Variants in RNF150 observed in about 807,000 individuals in gnomAD.
The protein encoded by RNF150 is ring finger protein 150.
A neutral mutation model predicts 39.3 loss-of-function variants in RNF150; 24 were observed. The ratio of observed to expected loss-of-function variants is 0.61; its 90% CI spans 0.44 to 0.86. RNF150 has a LOEUF of 0.86. Among genes scored for constraint, RNF150 ranks in the 40% least tolerant of loss-of-function variants. RNF150 has a pLI of 0.00. For missense variants in RNF150, 502 were observed against 587.8 expected (o/e 0.85, Z 1.51); for synonymous variants, 255 against 227.3 (o/e 1.12, Z -1.10).
intron 2 of RNF150, among the ~76,000 whole-genome samples, chr4:140,954,361 T>C (rs1732663356): frequency 6.6e-6 from 1 of 152,080 alleles, no homozygotes; most frequent in African/African-American, 2.4e-5. Flanking sequence ...ACTACAGGTG[T>C]GTGCCACTGC....
intron 1 of RNF150, among the ~76,000 whole-genome samples, chr4:141,097,775 A>G (rs953558900): frequency 6.6e-5 from 10 of 151,430 alleles, no homozygotes; most frequent in Non-Finnish European, 1.3e-4. Context: ...ATGTTTTTCT[A>G]TTGGGATGTT....
Position 140,860,093 on chromosome 4 carries a change from T to C in RNF150, c.*8168A>G, listed in dbSNP as rs1219327526. The C allele has an allele frequency of 6.6e-6, 1 of 151,880 alleles. No homozygotes were observed. Among genetic ancestry groups the C allele is most frequent in the African/African-American group, 2.4e-5 (1 of 41,358 alleles). 9.4% of individuals were successfully genotyped at this position (151,880 alleles called of 1,614,324 possible). A position where few individuals can be genotyped will look rare whatever the true frequency, so the allele number is the denominator to read the frequency against. Reference sequence around the variant, plus strand: ...AGAATAGAATAAAGCAAAATAAAAGTCTGTGTCTCCTAATAGAAGACAAAT... The same window carrying C: ...AGAATAGAATAAAGCAAAATAAAAGCCTGTGTCTCCTAATAGAAGACAAAT... On this transcript the variant is annotated 3_prime_UTR_variant, in exon 7 of 7. Transcript: ENST00000515673.
At chr4:140,974,845 T>C (rs375129125) in intron 1 of RNF150, among the ~76,000 whole-genome samples, 1 of 152,154 alleles carries the variant, frequency 6.6e-6, no homozygotes, top group South Asian at 2.1e-4. Context: ...GCTCTTTGTT[T>C]AAACTACAGG....
intron 6 of RNF150, among the ~76,000 whole-genome samples, chr4:140,883,383 G>A (rs913117107): frequency 1.2e-4 from 18 of 152,042 alleles, no homozygotes; most frequent in Admixed American, 2.0e-4. Context: ...TCATGGTGCC[G>A]TAAGCTTTTG....
chr4:141,167,032 C>A (rs970919258), intron 1 of RNF150, among the ~76,000 whole-genome samples: 3 of 151,998 alleles, frequency 2.0e-5, no homozygotes, highest in African/African-American at 7.2e-5. Flanking sequence ...CATGATTGTA[C>A]ATTTAGAAAA....
chr4:141,200,399 C>A (rs1195424089), intron 1 of RNF150, among the ~76,000 whole-genome samples: 4 of 151,736 alleles, frequency 2.6e-5, no homozygotes, highest in Non-Finnish European at 4.4e-5. Flanking sequence ...CATCTTCTGT[C>A]TATAATTGCC....
At chr4:140,992,397 A>C (rs1329535875) in intron 1 of RNF150, among the ~76,000 whole-genome samples, 1 of 152,114 alleles carries the variant, frequency 6.6e-6, no homozygotes. Flanking sequence ...ATGAAAAACA[A>C]AAATTAAAAA....
intron 1 of RNF150, among the ~76,000 whole-genome samples, chr4:141,189,644 G>A (rs1578788751): frequency 6.6e-6 from 1 of 152,134 alleles, no homozygotes; most frequent in South Asian, 2.1e-4. Context: ...TTGCTTTGCT[G>A]CACTGTGGTG....
intron 1 of RNF150, among the ~76,000 whole-genome samples, chr4:141,118,630 A>G (rs1305062695): frequency 6.6e-6 from 1 of 152,224 alleles, no homozygotes; most frequent in Non-Finnish European, 1.5e-5. Context: ...CAAACTGGCC[A>G]GGCAAGGTAA....
At chr4:141,105,760 C>A (rs1191592736) in intron 1 of RNF150, among the ~76,000 whole-genome samples, 1 of 152,220 alleles carries the variant, frequency 6.6e-6, no homozygotes, top group Non-Finnish European at 1.5e-5. Flanking sequence ...AATCTACCCT[C>A]ATATTTAAAC....
chr4:140,892,743 T>C (rs1177134488), intron 6 of RNF150, among the ~76,000 whole-genome samples: 9 of 152,128 alleles, frequency 5.9e-5, no homozygotes, highest in African/African-American at 2.2e-4. Flanking sequence ...GGGAGGGATG[T>C]AGCCAAACTG....
At chr4:141,063,800 GTA>G (rs1467333140) in intron 1 of RNF150, among the ~76,000 whole-genome samples, 2 of 152,084 alleles carry the variant, frequency 1.3e-5, no homozygotes, top group Admixed American at 6.6e-5. Flanking sequence ...GTGTGTGCCC[GTA>G]TGTGTGTGTG....
chr4:141,009,575 A>G (rs1734997555), intron 1 of RNF150, among the ~76,000 whole-genome samples: 1 of 152,224 alleles, frequency 6.6e-6, no homozygotes, highest in East Asian at 1.9e-4. Context: ...ATGTAAGAAC[A>G]GTGACTGGAA....
intron 1 of RNF150, among the ~76,000 whole-genome samples, chr4:141,082,724 G>T (rs1208414352): frequency 2.0e-5 from 3 of 151,034 alleles, no homozygotes; most frequent in African/African-American, 7.3e-5. Flanking sequence ...GAGTAGCTGG[G>T]ACTACAGGCG....
intron 1 of RNF150, among the ~76,000 whole-genome samples, chr4:141,138,551 T>C (rs1476767887): frequency 6.6e-6 from 1 of 152,210 alleles, no homozygotes; most frequent in African/African-American, 2.4e-5. Context: ...TGAAGTAACA[T>C]ACTGTGACAT....
At chr4:140,907,404 G>A (rs115379797) in intron 6 of RNF150, among the ~76,000 whole-genome samples, 1,560 of 152,140 alleles carry the variant, frequency 0.01, 30 homozygotes, top group African/African-American at 0.035. Context: ...CTCTGTAAAT[G>A]TTTTTCATTT....
At chr4:141,206,353 A>G (rs1728373837) in intron 1 of RNF150, among the ~76,000 whole-genome samples, 1 of 148,714 alleles carries the variant, frequency 6.7e-6, no homozygotes, top group Non-Finnish European at 1.5e-5. Context: ...TGGGAGGCAG[A>G]GATTACAGTG....
At chr4:140,991,092 A>G (rs945638150) in intron 1 of RNF150, among the ~76,000 whole-genome samples, 3 of 152,082 alleles carry the variant, frequency 2.0e-5, no homozygotes, top group African/African-American at 7.2e-5. Flanking sequence ...GTGCTCAGTG[A>G]TGTTGAGCTT....
At chr4:140,941,261 C>T (rs957191059) in intron 4 of RNF150, among the ~76,000 whole-genome samples, 2 of 152,112 alleles carry the variant, frequency 1.3e-5, no homozygotes, top group Non-Finnish European at 2.9e-5. Context: ...GTTATTCCCA[C>T]ACATGAATTA....
Sources: gnomAD v4.1 joint callset for allele counts (sites outside exome capture counted in the v4.1 genomes callset) on GRCh38, gnomAD v4.1.1 for gene constraint, MANE v1.5 for transcripts, NCBI Gene and HGNC (gene_info 2026-07-23, HGNC 2026-07-21) for gene names.